Variants in MAPKAP1 observed in about 807,000 individuals in gnomAD.
The protein encoded by MAPKAP1 is target of rapamycin complex 2 subunit MAPKAP1.
Under a neutral mutation model 65.7 loss-of-function variants are expected in MAPKAP1, and 20 were observed. The observed-to-expected ratio is 0.30, with a 90% CI of 0.21 to 0.44. The LOEUF is 0.44. Among genes scored for constraint, MAPKAP1 ranks in the 20% least tolerant of loss-of-function variants. The pLI is 1.00. For synonymous variants in MAPKAP1, 222 were observed against 244.3 expected, an observed-to-expected ratio of 0.91 and a Z score of 0.85; for missense variants, 423 against 648.0, an observed-to-expected ratio of 0.65 and a Z score of 3.77.
intron 1 of MAPKAP1, among the ~76,000 whole-genome samples, chr9:125,702,168 AG>A (rs1161420242): frequency 1.3e-5 from 2 of 152,214 alleles, no homozygotes; most frequent in Non-Finnish European, 2.9e-5. Context: ...AGGCCATGGC[AG>A]GAGTATCATT....
chr9:125,570,695 G>T (rs1831202475), intron 5 of MAPKAP1, among the ~76,000 whole-genome samples: 1 of 152,116 alleles, frequency 6.6e-6, no homozygotes, highest in Non-Finnish European at 1.5e-5. Context: ...GAAATCATGG[G>T]AATGTGAATT....
Position 125,677,267 on chromosome 9 carries a change from A to G in MAPKAP1, c.-69-4624T>C, listed in dbSNP as rs527919340. Among the ~76,000 whole-genome samples the G allele has an allele frequency of 2.0e-5, 3 of 152,104 alleles. No homozygotes were observed. In the South Asian group the frequency reaches 6.2e-4, roughly 32 times the overall value. On this transcript the variant is annotated intron_variant, in intron 1 of 11. Transcript: ENST00000265960. ...CGACCTGGTCAACATGTGAAACCCC[A>G]TCTCTACTAAAAATACAAAAATTAG...
chr9:125,578,997 T>G (rs987928550), intron 5 of MAPKAP1, among the ~76,000 whole-genome samples: 3 of 152,156 alleles, frequency 2.0e-5, no homozygotes, highest in Non-Finnish European at 2.9e-5. Context: ...AGGCAAAAAT[T>G]TCATAGTCCA....
intron 10 of MAPKAP1, among the ~76,000 whole-genome samples, chr9:125,446,046 C>T (rs1404332427): frequency 3.9e-5 from 6 of 152,116 alleles, no homozygotes; most frequent in African/African-American, 9.7e-5. Context: ...CCTTCTCATC[C>T]GTTGTCCTTT....
Position 125,561,762 on chromosome 9 carries a change from A to C in MAPKAP1, c.672-1953T>G, listed in dbSNP as rs148221004. 3.3e-3 allele frequency among the ~76,000 whole-genome samples: 503 copies of C among 152,314 alleles called. 1 individual carries two copies. Among genetic ancestry groups the C allele is most frequent in the African/African-American group, 0.012 (481 of 41,546 alleles). On this transcript the variant is annotated intron_variant, in intron 5 of 11. Transcript: ENST00000265960. ...TAATCGTCCCTCAGAGATTGTAAAG[A>C]TTAGATCAGATAATATATGTAGTGT... is the stretch of plus-strand genomic sequence containing the variant.
chr9:125,702,723 G>T (rs1588092847), intron 1 of MAPKAP1, among the ~76,000 whole-genome samples: 1 of 144,944 alleles, frequency 6.9e-6, no homozygotes, highest in Middle Eastern at 4.0e-3. Context: ...GTGGTGATGG[G>T]CACCTGTAGT....
At chr9:125,689,044 G>T in intron 1 of MAPKAP1, among the ~76,000 whole-genome samples, 1 of 152,232 alleles carries the variant, frequency 6.6e-6, no homozygotes, top group Non-Finnish European at 1.5e-5. Flanking sequence ...CATACTACAC[G>T]CTGAGGGTTA....
intron 6 of MAPKAP1, among the ~76,000 whole-genome samples, chr9:125,548,529 G>A (rs542809560): frequency 3.3e-5 from 5 of 152,190 alleles, no homozygotes; most frequent in Non-Finnish European, 5.9e-5. Flanking sequence ...CTGCTTTCAC[G>A]GATAACAACA....
intron 4 of MAPKAP1, chr9:125,596,269 T>C (rs1272711138): frequency 7.9e-6 from 6 of 762,184 alleles, no homozygotes; most frequent in African/African-American, 1.7e-5. Context: ...TCTGGAAACT[T>C]TGGTGGTGGT....
intron 7 of MAPKAP1, among the ~76,000 whole-genome samples, chr9:125,540,519 C>T (rs1830212117): frequency 1.3e-5 from 2 of 152,206 alleles, no homozygotes; most frequent in African/African-American, 4.8e-5. Flanking sequence ...CTGGTATTTC[C>T]CCCCTTCTTC....
In MAPKAP1 at chr9:125,454,122, C is replaced by T. The variant is rs367927536; in HGVS notation, c.1346-9524G>A. Among the ~76,000 whole-genome samples the T allele has an allele frequency of 7.9e-5, 12 of 152,268 alleles. No individual in the cohort carries two copies. In the East Asian group the frequency reaches 1.2e-3, roughly 15 times the overall value. On this transcript the variant is annotated intron_variant, in intron 10 of 11. Coordinates refer to ENST00000265960, the MANE Select transcript of MAPKAP1 (RefSeq NM_001006617.3). Reference sequence around the variant, plus strand: ...AAGTGCTATTCCTTGAGACAAGTACCCTACTTCTGAATGCAGCAGAAATGC... The same window carrying T: ...AAGTGCTATTCCTTGAGACAAGTACTCTACTTCTGAATGCAGCAGAAATGC...
intron 4 of MAPKAP1, among the ~76,000 whole-genome samples, chr9:125,594,551 A>G (rs747334431): frequency 6.6e-5 from 10 of 152,220 alleles, no homozygotes; most frequent in Non-Finnish European, 1.5e-4. Context: ...TGATCAAGAA[A>G]CATAGCTCTT....
intron 1 of MAPKAP1, among the ~76,000 whole-genome samples, chr9:125,702,430 A>T (rs1320646959): frequency 6.6e-6 from 1 of 152,162 alleles, no homozygotes; most frequent in Non-Finnish European, 1.5e-5. Context: ...GCTACTCAGG[A>T]GGCTGAGGCA....
intron 7 of MAPKAP1, among the ~76,000 whole-genome samples, chr9:125,516,840 G>C (rs1459036109): frequency 6.6e-6 from 1 of 152,188 alleles, no homozygotes; most frequent in East Asian, 1.9e-4. Context: ...ATAAATGTCA[G>C]TTATATTGCT....
intron 10 of MAPKAP1, among the ~76,000 whole-genome samples, chr9:125,449,162 A>G (rs972365522): frequency 4.6e-5 from 7 of 152,156 alleles, no homozygotes; most frequent in Non-Finnish European, 4.4e-5. Flanking sequence ...GACACAGAGG[A>G]AAAAAAGCAT....
At chr9:125,695,930 G>A (rs1835369822) in intron 1 of MAPKAP1, among the ~76,000 whole-genome samples, 1 of 152,048 alleles carries the variant, frequency 6.6e-6, no homozygotes, top group Non-Finnish European at 1.5e-5. Flanking sequence ...GTTTCTACAT[G>A]TTGGTCAGGC....
intron 1 of MAPKAP1, among the ~76,000 whole-genome samples, chr9:125,673,641 C>CG (rs1564612010): frequency 6.6e-6 from 1 of 151,998 alleles, no homozygotes; most frequent in African/African-American, 2.4e-5. Flanking sequence ...GTAATGAGGC[C>CG]GGGCACAGTG....
intron 7 of MAPKAP1, among the ~76,000 whole-genome samples, chr9:125,513,610 C>T (rs1028914139): frequency 2.6e-5 from 4 of 152,178 alleles, no homozygotes; most frequent in Non-Finnish European, 5.9e-5. Context: ...CAGAAGGTTG[C>T]TGTGAGGATT....
intron 10 of MAPKAP1, among the ~76,000 whole-genome samples, chr9:125,449,819 T>C (rs1852873966): frequency 1.3e-5 from 2 of 152,182 alleles, no homozygotes; most frequent in African/African-American, 2.4e-5. Context: ...TGAGATGGGA[T>C]GGCTTAAACA....
Sources: gnomAD v4.1 joint callset for allele counts (sites outside exome capture counted in the v4.1 genomes callset) on GRCh38, gnomAD v4.1.1 for gene constraint, MANE v1.5 for transcripts, NCBI Gene and HGNC (gene_info 2026-07-23, HGNC 2026-07-21) for gene names.